Variants in PRCC observed in about 807,000 individuals in gnomAD.
PRCC encodes proline-rich protein PRCC.
A neutral mutation model predicts 44.0 loss-of-function variants in PRCC; 10 were observed. The ratio of observed to expected loss-of-function variants is 0.23; its 90% CI spans 0.14 to 0.39. The LOEUF (loss-of-function observed/expected upper bound fraction) is 0.39. Among genes scored for constraint, PRCC ranks in the 10% least tolerant of loss-of-function variants. PRCC has a pLI of 1.00. For missense variants in PRCC, 573 were observed against 624.7 expected, an observed-to-expected ratio of 0.92 and a Z score of 0.88; for synonymous variants, 278 against 259.5, an observed-to-expected ratio of 1.07 and a Z score of -0.69.
rs183836654 is a variant in PRCC at position 156,774,662 on chromosome 1, A to G, written c.468+6423A>G. On this transcript the variant is annotated intron_variant, in intron 1 of 6. Transcript: ENST00000271526. The stretch of plus-strand genomic sequence containing the variant: ...CCACTGTACCTGGCTATGTTTTTAA[A>G]CAATTTTTTTGCTGGGCATGGTGGC... 4.4e-3 allele frequency among the ~76,000 whole-genome samples: 664 copies of G among 151,496 alleles called. 3 individuals carry two copies. Among genetic ancestry groups the G allele is most frequent in the African/African-American group, 0.015 (625 of 41,276 alleles).
Position 156,768,197 on chromosome 1 carries a change from A to G in PRCC, c.426A>G (p.Lys142=), listed in dbSNP as rs1558043400. 2 of 1,548,504 alleles carry G rather than the reference A, an allele frequency of 1.3e-6. No homozygotes were observed. Among genetic ancestry groups the G allele is most frequent in the South Asian group, 1.2e-5 (1 of 84,242 alleles). Reference sequence around the variant, plus strand: ...GGCTTCCCAAGCCAAAGAAGAGGAAAGAGCCCGTGAAGATCGCGGCGCCGG... The same window carrying G: ...GGCTTCCCAAGCCAAAGAAGAGGAAGGAGCCCGTGAAGATCGCGGCGCCGG... The part of the protein sequence containing the change: ...PLGLPKPKKR[K]EPVKIAAPEL... Residue 142 remains lysine (K), a synonymous_variant, in exon 1 of 7, where the codon AAA becomes AAG. Transcript: ENST00000271526.
In PRCC at chr1:156,790,701, A is replaced by G. The variant is rs551672128; in HGVS notation, c.1084-996A>G. On this transcript the variant is annotated intron_variant, in intron 3 of 6. Transcript: ENST00000271526. ...AAAAAGATGCTATTTAAATTGAATAACAAATTGGAATTCTATATGCAGTTA... is the reference window on the plus strand; with the variant it reads ...AAAAAGATGCTATTTAAATTGAATAGCAAATTGGAATTCTATATGCAGTTA... Among the ~76,000 whole-genome samples the G allele has an allele frequency of 2.6e-5, 4 of 152,344 alleles. No homozygotes were observed. In the East Asian group the frequency reaches 7.7e-4, roughly 29 times the overall value.
At chr1:156,773,948 A>G (rs571153516) in intron 1 of PRCC, among the ~76,000 whole-genome samples, 27 of 152,306 alleles carry the variant, frequency 1.8e-4, no homozygotes, top group Non-Finnish European at 3.4e-4. Flanking sequence ...ACGTGCTACA[A>G]CATGGATAGA....
chr1:156,795,170 CT>C (rs1054188085), intron 5 of PRCC, among the ~76,000 whole-genome samples: 1 of 150,840 alleles, frequency 6.6e-6, no homozygotes, highest in African/African-American at 2.4e-5. Context: ...AAGTTTTTTG[CT>C]TTTTTTGTTT....
Position 156,786,740 on chromosome 1 carries a change from C to T in PRCC, c.649C>T (p.Pro217Ser), listed in dbSNP as rs373710338. Reference sequence around the variant, plus strand: ...CTCGGATGGCTCCCCTGATACTAAGCCCTCCAGACTGGCTTCTAAGACCAA... The same window carrying T: ...CTCGGATGGCTCCCCTGATACTAAGTCCTCCAGACTGGCTTCTAAGACCAA... ...KPSDGSPDTK[P>S]SRLASKTKTS... Residue 217 changes from proline (P) to serine (S), a missense_variant, in exon 3 of 7, where the codon CCC (proline) becomes TCC (serine). Physicochemically the swap from Pro to Ser is moderately conservative, Grantham distance 74. This residue lies in a region of PRCC where 118 missense variants were observed against 166.7 expected (regional missense o/e 0.71). Transcript: ENST00000271526. The T allele has an allele frequency of 2.4e-5, 38 of 1,614,088 alleles. No individual in the cohort carries two copies. Among genetic ancestry groups the T allele is most frequent in the Non-Finnish European group, 3.0e-5 (35 of 1,180,048 alleles).
At chr1:156,792,074 T>A (rs1053359643) in intron 4 of PRCC, among the ~76,000 whole-genome samples, 2 of 136,898 alleles carry the variant, frequency 1.5e-5, no homozygotes, top group East Asian at 4.1e-4. Flanking sequence ...TTTTTTTTTT[T>A]TTTTTTTGGT....
chr1:156,775,686 T>G lies in PRCC; in HGVS notation c.469-6596T>G, dbSNP rs148953747. ...CCACCACCCCCGGCTAATTTTTGTA[T>G]TTTTAGTAGAGATGGGGTTTCACCA... is the stretch of plus-strand genomic sequence containing the variant. On this transcript the variant is annotated intron_variant, in intron 1 of 6. Transcript: ENST00000271526. Among the ~76,000 whole-genome samples, 48 of 152,148 alleles carry G rather than the reference T, an allele frequency of 3.2e-4. 1 individual carries two copies. In the East Asian group the frequency reaches 9.2e-3, roughly 29 times the overall value.
Position 156,789,233 on chromosome 1 carries a change from G to A in PRCC, c.1083+2059G>A, listed in dbSNP as rs139006525. 7.6e-3 allele frequency among the ~76,000 whole-genome samples: 1,157 copies of A among 152,354 alleles called. 12 individuals carry two copies. Among genetic ancestry groups the A allele is most frequent in the African/African-American group, 0.026 (1,082 of 41,580 alleles). On this transcript the variant is annotated intron_variant, in intron 3 of 6. Transcript: ENST00000271526. ...GATCTGCCTGCCTTGGACTCCCAAA[G>A]TGATGGGATTACAGGCGTGAGCCAC...
chr1:156,790,928 G>T (rs564448425), intron 3 of PRCC: 6 of 476,416 alleles, frequency 1.3e-5, no homozygotes, highest in African/African-American at 2.0e-5. Context: ...TTCTTAGAAG[G>T]GCATTTCTTG....
At chr1:156,799,984 T>C (rs978630186) in intron 6 of PRCC, among the ~76,000 whole-genome samples, 1 of 152,202 alleles carries the variant, frequency 6.6e-6, no homozygotes, top group African/African-American at 2.4e-5. Context: ...TTTGAGACTG[T>C]CCTCTCCTAC....
chr1:156,794,859 A>T, intron 5 of PRCC, 51 bp downstream of exon 5: 1 of 1,607,544 alleles, frequency 6.2e-7, no homozygotes, highest in Non-Finnish European at 8.5e-7. Flanking sequence ...TGCAAAGCAA[A>T]ATCTTGTCTT....
In PRCC at chr1:156,769,602, T is replaced by A. The variant is rs186651676; in HGVS notation, c.468+1363T>A. 1.0e-2 allele frequency among the ~76,000 whole-genome samples: 1,521 copies of A among 152,176 alleles called. 19 individuals carry two copies. Among genetic ancestry groups the A allele is most frequent in the Admixed American group, 0.014 (216 of 15,274 alleles). On this transcript the variant is annotated intron_variant, in intron 1 of 6. Coordinates refer to ENST00000271526, the MANE Select transcript of PRCC (RefSeq NM_005973.5). ...CTTCCTTTTTTTTTTAAATTTTTTT[T>A]ATTTTTATTTTTTTTGAGACGGAGT...
At chr1:156,792,924 C>T (rs1652543748) in intron 4 of PRCC, among the ~76,000 whole-genome samples, 1 of 152,198 alleles carries the variant, frequency 6.6e-6, no homozygotes, top group African/African-American at 2.4e-5. Flanking sequence ...AATGGTCTCT[C>T]ACTGCTGCTG....
chr1:156,791,922 G>A (rs1178876114), intron 4 of PRCC, 130 bp downstream of exon 4: 15 of 800,274 alleles, frequency 1.9e-5, no homozygotes, highest in Non-Finnish European at 3.0e-5. Flanking sequence ...TTGGCAACAT[G>A]TAATGGAGAA....
Position 156,786,636 on chromosome 1 carries a change from C to T in PRCC, c.545C>T (p.Ala182Val). 1 of 1,613,228 alleles carries T rather than the reference C, an allele frequency of 6.2e-7. No homozygotes were observed. The change falls in exon 3 of 7, where the codon GCC becomes GTC. Residue 182 changes from alanine (A) to valine (V), a missense_variant. By Grantham distance (64) the Ala-to-Val change is moderately conservative. Around this residue, in one of 4 missense-constraint regions of PRCC, gnomAD observed 118 missense variants for 166.7 expected, o/e 0.71. Coordinates refer to ENST00000271526, the MANE Select transcript of PRCC (RefSeq NM_005973.5). The stretch of plus-strand genomic sequence containing the variant: ...TCCAGTGAGGGGACTGGTTTGTCTG[C>T]CTTGCTTCCCCAACCTAAAAACCTG... ...QGSSEGTGLSALLPQPKNLTV... is the reference protein window; with the variant it reads ...QGSSEGTGLSVLLPQPKNLTV...
Position 156,767,889 on chromosome 1 carries a change from G to C in PRCC, c.118G>C (p.Ala40Pro). 1 of 1,604,706 alleles carries C rather than the reference G, an allele frequency of 6.2e-7. No individual in the cohort carries two copies. The highest frequency in any genetic ancestry group is 8.5e-7 in the Non-Finnish European group (1 of 1,176,484). The stretch of plus-strand genomic sequence containing the variant: ...TGGGCCCGCTTTAGGGGGCTTGTTC[G>C]CTTCTCTCCCTGCGCCCAAGGGTCC... The part of the protein sequence containing the change: ...TSGPALGGLF[A>P]SLPAPKGPAL... The change falls in exon 1 of 7, where the codon GCT becomes CCT. Residue 40 changes from alanine to proline, a missense_variant. Physicochemically the swap from Ala to Pro is conservative, Grantham distance 27 (BLOSUM62 -1). Around this residue, in one of 4 missense-constraint regions of PRCC, gnomAD observed 245 missense variants for 188.5 expected, o/e 1.30. Coordinates refer to ENST00000271526, the MANE Select transcript of PRCC (RefSeq NM_005973.5).
intron 4 of PRCC, among the ~76,000 whole-genome samples, chr1:156,794,071 A>C (rs886974809): frequency 1.4e-5 from 2 of 146,164 alleles, no homozygotes; most frequent in Admixed American, 1.4e-4. Context: ...GATTCTCCTG[A>C]CTCAGCCTCC....
intron 6 of PRCC, among the ~76,000 whole-genome samples, chr1:156,799,450 T>C (rs1652769605): frequency 6.6e-6 from 1 of 152,238 alleles, no homozygotes; most frequent in South Asian, 2.1e-4. Context: ...TTAAGACTTA[T>C]TGAACTAAAT....
chr1:156,800,623 A>C lies in PRCC; in HGVS notation c.*163A>C. ...ACATATTTGATAGATTTTTCTTAAC[A>C]AGTTAGAAAATTCAGCTCCTTTCTG... On this transcript the variant is annotated 3_prime_UTR_variant, in exon 7 of 7. Transcript: ENST00000271526. The C allele has an allele frequency of 2.9e-6, 2 of 678,566 alleles. No homozygotes were observed. Among genetic ancestry groups the C allele is most frequent in the Middle Eastern group, 4.2e-4 (1 of 2,354 alleles). 42.0% of individuals were successfully genotyped at this position (678,566 alleles called of 1,614,324 possible).
Sources: allele counts gnomAD v4.1 joint callset (sites outside exome capture counted in the v4.1 genomes callset), GRCh38; gene constraint gnomAD v4.1.1; regional missense constraint gnomAD v4.1.1; transcripts MANE v1.5; gene names NCBI Gene and HGNC (gene_info 2026-07-23, HGNC 2026-07-21).